The following ADAMTS6 variants were observed in gnomAD, a reference collection of about 807,000 sequenced individuals.
ADAMTS6 encodes the protein A disintegrin and metalloproteinase with thrombospondin motifs 6.
ADAMTS6 carries 23 observed loss-of-function variants against 144.3 expected under a neutral mutation model. The observed-to-expected ratio is 0.16, with a 90% CI of 0.11 to 0.23. The LOEUF (loss-of-function observed/expected upper bound fraction) is 0.23. ADAMTS6 is among the 10% of genes least tolerant of loss of function. ADAMTS6 has a pLI of 1.00. For synonymous variants in ADAMTS6, 444 were observed against 457.5 expected (o/e 0.97, Z 0.38); for missense variants, 999 against 1,379.6 (o/e 0.72, Z 4.37).
chr5:65,169,675 G>T (rs1753474283), intron 24 of ADAMTS6, among the ~76,000 whole-genome samples: 1 of 150,978 alleles, frequency 6.6e-6, no homozygotes, highest in Non-Finnish European at 1.5e-5. Context: ...AGAAAATGTG[G>T]CACATATACA....
chr5:65,222,995 GA>G (rs997302313), intron 18 of ADAMTS6, among the ~76,000 whole-genome samples: 4 of 150,614 alleles, frequency 2.7e-5, no homozygotes, highest in South Asian at 2.1e-4. Flanking sequence ...TCAAAAAAAG[GA>G]AAAAAAAATT....
intron 1 of ADAMTS6, among the ~76,000 whole-genome samples, chr5:65,476,474 A>G (rs1185997619): frequency 6.6e-6 from 1 of 152,270 alleles, no homozygotes; most frequent in South Asian, 2.1e-4. Flanking sequence ...TCAGATAGGT[A>G]TAAAACAATA....
intron 14 of ADAMTS6, among the ~76,000 whole-genome samples, chr5:65,259,417 G>A (rs1321559779): frequency 6.8e-6 from 1 of 146,248 alleles, no homozygotes; most frequent in East Asian, 2.0e-4. Flanking sequence ...AACAAAAAGA[G>A]TAGGAGCCAA....
At chr5:65,400,787 T>C (rs112042080) in intron 7 of ADAMTS6, among the ~76,000 whole-genome samples, 1 of 152,314 alleles carries the variant, frequency 6.6e-6, no homozygotes, top group African/African-American at 2.4e-5. Context: ...TTTATTAATA[T>C]ATCCTCTAGC....
At chr5:65,213,545 G>A (rs1756679999) in intron 20 of ADAMTS6, among the ~76,000 whole-genome samples, 1 of 151,816 alleles carries the variant, frequency 6.6e-6, no homozygotes, top group Non-Finnish European at 1.5e-5. Flanking sequence ...TGAGGTGGGA[G>A]GATCACTTGA....
chr5:65,396,349 AAACT>A (rs1753336549), intron 7 of ADAMTS6, among the ~76,000 whole-genome samples: 1 of 152,228 alleles, frequency 6.6e-6, no homozygotes, highest in Admixed American at 6.5e-5. Context: ...ATTCAGAAAG[AAACT>A]TTAAAATAAA....
chr5:65,280,101 T>C (rs1762873785), intron 11 of ADAMTS6, among the ~76,000 whole-genome samples: 1 of 152,204 alleles, frequency 6.6e-6, no homozygotes, highest in Non-Finnish European at 1.5e-5. Flanking sequence ...GGCACAAGCC[T>C]GGGGCTTCAG....
At chr5:65,195,608 G>A (rs1227801514) in intron 21 of ADAMTS6, among the ~76,000 whole-genome samples, 1 of 152,166 alleles carries the variant, frequency 6.6e-6, no homozygotes, top group Admixed American at 6.5e-5. Context: ...AACAAGAAAT[G>A]CACCTTGGTT....
chr5:65,258,987 A>G (rs1385880129), intron 14 of ADAMTS6, among the ~76,000 whole-genome samples: 2 of 152,152 alleles, frequency 1.3e-5, no homozygotes, highest in African/African-American at 2.4e-5. Context: ...TCACCAAAGA[A>G]AGGAGTATTG....
At chr5:65,458,929 G>T (rs1270147412) in intron 4 of ADAMTS6, among the ~76,000 whole-genome samples, 1 of 152,170 alleles carries the variant, frequency 6.6e-6, no homozygotes, top group Non-Finnish European at 1.5e-5. Context: ...GCTAAGATGA[G>T]CACTCAGAGA....
rs1174312255 is a variant in ADAMTS6, at chr5:65,151,162, C to T, written c.*674G>A. 1 of 152,618 alleles carries T rather than the reference C, an allele frequency of 6.6e-6. No homozygotes were observed. The highest frequency in any genetic ancestry group is 1.5e-5 in the Non-Finnish European group (1 of 68,038). The allele number at this position is 152,618 out of a possible 1,614,324, so 9.5% of individuals were successfully genotyped here. On this transcript the variant is annotated 3_prime_UTR_variant, in exon 25 of 25. Transcript: ENST00000381055. ...AACTGATGCACTGCTTTAAACTATGCCCCTCATTATTGTTCAGTTTAATAT... is the reference window on the plus strand; with the variant it reads ...AACTGATGCACTGCTTTAAACTATGTCCCTCATTATTGTTCAGTTTAATAT...
intron 7 of ADAMTS6, among the ~76,000 whole-genome samples, chr5:65,410,457 A>G (rs1049465594): frequency 4.6e-5 from 7 of 152,188 alleles, no homozygotes; most frequent in Middle Eastern, 3.2e-3. Context: ...TGATATATGT[A>G]TACATTATGG....
Position 65,320,559 on chromosome 5 carries a change from T to C in ADAMTS6, c.1223+8819A>G, listed in dbSNP as rs572397131. Among the ~76,000 whole-genome samples the C allele has an allele frequency of 1.6e-4, 25 of 152,180 alleles. No individual in the cohort carries two copies. The South Asian group carries it at 1.9e-3, about 11-fold the overall frequency. ...AAAACCATTTTATTTTCTCTCTTTT[T>C]TTTTTTTACTTTTAAGTTCAAGGGT... On this transcript the variant is annotated intron_variant, in intron 9 of 24. Transcript: ENST00000381055.
At position 65,481,526 on chromosome 5, in the gene ADAMTS6, G is replaced by A. The variant is rs1390162072; in HGVS notation, c.-463C>T. 1.3e-5 allele frequency: 2 copies of A among 151,306 alleles called. No homozygotes were observed. The highest frequency in any genetic ancestry group is 1.9e-4 in the East Asian group (1 of 5,146). The allele number at this position is 151,306 out of a possible 1,614,324, so 9.4% of individuals were successfully genotyped here. The stretch of plus-strand genomic sequence containing the variant: ...AGCCAGAATAAAACCCTATGGTCTG[G>A]CTAACCCGGGCTTTAGAGAACTGAC... On this transcript the variant is annotated 5_prime_UTR_variant, in exon 1 of 25. Transcript: ENST00000381055.
chr5:65,172,431 G>C (rs926688751), intron 23 of ADAMTS6, among the ~76,000 whole-genome samples: 35 of 151,450 alleles, frequency 2.3e-4, no homozygotes, highest in African/African-American at 8.0e-4. Flanking sequence ...AAAAAAAAAA[G>C]AGTAATTATC....
At chr5:65,452,011 C>T in intron 6 of ADAMTS6, 122 bp downstream of exon 6, 1 of 781,622 alleles carries the variant, frequency 1.3e-6, no homozygotes. Flanking sequence ...AGCTAAAAAT[C>T]ATATCCAACT....
rs1402460734 is a variant in ADAMTS6 at position 65,205,617 on chromosome 5, T to C, written c.2576-8466A>G. On this transcript the variant is annotated intron_variant, in intron 20 of 24. Coordinates refer to ENST00000381055, the MANE Select transcript of ADAMTS6 (RefSeq NM_197941.4). ...AATATATAACATGAACAAACAACAT[T>C]TCCATAGAAACAATGTAGAAATACC... is the stretch of plus-strand genomic sequence containing the variant. Among the ~76,000 whole-genome samples, 9 of 152,312 alleles carry C rather than the reference T, an allele frequency of 5.9e-5. No homozygotes were observed. The East Asian group carries it at 1.7e-3, about 29-fold the overall frequency.
intron 7 of ADAMTS6, among the ~76,000 whole-genome samples, chr5:65,393,318 A>T (rs1313915870): frequency 6.6e-6 from 1 of 152,210 alleles, no homozygotes; most frequent in Admixed American, 6.5e-5. Context: ...TATTGCAATC[A>T]TATTTCTTTA....
Position 65,313,978 on chromosome 5 carries a change from AT to A in ADAMTS6, c.1224-13848del, listed in dbSNP as rs995785891. 1.1e-4 allele frequency among the ~76,000 whole-genome samples: 17 copies of A among 152,042 alleles called. 1 individual carries two copies. Among genetic ancestry groups the A allele is most frequent in the Admixed American group, 9.8e-4 (15 of 15,284 alleles). On this transcript the variant is annotated intron_variant, in intron 9 of 24. Coordinates refer to ENST00000381055, the MANE Select transcript of ADAMTS6 (RefSeq NM_197941.4). ...CATGTCTAGCTTTCAGTTAAAAAAA[AT>A]ATATATAAGACATACTGAAACATGG... is the stretch of plus-strand genomic sequence containing the variant.
Sources: gnomAD v4.1 joint callset for allele counts (sites outside exome capture counted in the v4.1 genomes callset) on GRCh38, gnomAD v4.1.1 for gene constraint, MANE v1.5 for transcripts, NCBI Gene and HGNC (gene_info 2026-07-23, HGNC 2026-07-21) for gene names.